The following ZC3H12B variants were observed in gnomAD, a reference collection of about 807,000 sequenced individuals.
ZC3H12B encodes zinc finger CCCH-type containing 12B.
Under a neutral mutation model 43.9 loss-of-function variants are expected in ZC3H12B, and 7 were observed. The observed-to-expected ratio is 0.16, with a 90% confidence interval of 0.09 to 0.30. The LOEUF (loss-of-function observed/expected upper bound fraction) is 0.30. ZC3H12B is among the 10% of genes least tolerant of loss of function. The probability of loss-of-function intolerance (pLI) is 1.00; values close to 1 mark genes in which losing one functional copy is unlikely to be tolerated. For synonymous variants in ZC3H12B, 222 were observed against 241.7 expected (o/e 0.92, Z 0.76); for missense variants, 475 against 670.2 (o/e 0.71, Z 3.22).
chrX:65,074,682 T>A, the ZC3H12B span, among the ~76,000 whole-genome samples: 1 of 112,172 alleles, frequency 8.9e-6, no homozygotes, highest in Non-Finnish European at 1.9e-5. Context: ...TTTCTCTGAC[T>A]AATAATTTCA....
At chrX:65,295,081 T>C in the ZC3H12B span, among the ~76,000 whole-genome samples, 3 of 111,443 alleles carry the variant, frequency 2.7e-5, no homozygotes, top group African/African-American at 9.8e-5. Context: ...TGAAAATTTA[T>C]CCAAGATAGA....
At chrX:65,234,428 C>A in the ZC3H12B span, among the ~76,000 whole-genome samples, 1 of 111,656 alleles carries the variant, frequency 9.0e-6, no homozygotes, top group African/African-American at 3.3e-5. Flanking sequence ...AAACTGAAAG[C>A]CTTTTCTTTA....
At chrX:65,130,261 C>G in the ZC3H12B span, among the ~76,000 whole-genome samples, 1 of 111,043 alleles carries the variant, frequency 9.0e-6, no homozygotes, top group South Asian at 3.8e-4. Context: ...GCCTGAGAAA[C>G]TGCTTGGGTG....
intron 3 of ZC3H12B, chrX:65,408,067 G>A (rs2066857730): frequency 5.9e-6 from 7 of 1,180,796 alleles, no homozygotes; most frequent in Non-Finnish European, 8.0e-6. Flanking sequence ...ACAGAGCCCC[G>A]GCCGCCGCCA....
At chrX:65,417,792 G>A (rs988072871) in intron 3 of ZC3H12B, among the ~76,000 whole-genome samples, 3 of 112,703 alleles carry the variant, frequency 2.7e-5, no homozygotes, top group Non-Finnish European at 5.6e-5. Flanking sequence ...ATTCTTTCAG[G>A]AGAGAATGGG....
intron 2 of ZC3H12B, 38 bp downstream of exon 4, chrX:65,369,036 T>G (rs1177561071): frequency 8.9e-6 from 1 of 111,988 alleles, no homozygotes; most frequent in African/African-American, 3.2e-5. Flanking sequence ...GTTGTGTGTG[T>G]GTGTTTGAAA....
chrX:65,242,985 G>A, the ZC3H12B span, among the ~76,000 whole-genome samples: 1 of 111,865 alleles, frequency 8.9e-6, no homozygotes, highest in African/African-American at 3.2e-5. Flanking sequence ...AATCACAATG[G>A]ATAAAAGACT....
At chrX:65,183,362 A>C in the ZC3H12B span, among the ~76,000 whole-genome samples, 1 of 111,504 alleles carries the variant, frequency 9.0e-6, no homozygotes, top group African/African-American at 3.3e-5. Flanking sequence ...AAAACTAAAC[A>C]TTTAGTACAT....
the ZC3H12B span, among the ~76,000 whole-genome samples, chrX:65,205,068 A>ATG: frequency 8.9e-6 from 1 of 112,268 alleles, no homozygotes; most frequent in Non-Finnish European, 1.9e-5. Context: ...ATGTAAATAT[A>ATG]TGTATTGTAG....
chrX:65,189,924 G>T, the ZC3H12B span, among the ~76,000 whole-genome samples: 3 of 108,123 alleles, frequency 2.8e-5, no homozygotes, highest in African/African-American at 7.1e-5. Flanking sequence ...GGTTTTTATG[G>T]TTTTAGGTCT....
intron 2 of ZC3H12B, among the ~76,000 whole-genome samples, chrX:65,389,293 G>T (rs1043449357): frequency 2.7e-5 from 3 of 112,145 alleles, no homozygotes; most frequent in Admixed American, 1.9e-4. Flanking sequence ...CCCAGTTCGC[G>T]CTTCCCAGCT....
the ZC3H12B span, among the ~76,000 whole-genome samples, chrX:65,231,873 G>A: frequency 5.4e-5 from 6 of 111,279 alleles, no homozygotes; most frequent in East Asian, 2.8e-4. Flanking sequence ...TACAGTTAAC[G>A]CAATCATCAC....
the ZC3H12B span, among the ~76,000 whole-genome samples, chrX:65,119,311 G>C: frequency 1.8e-5 from 2 of 111,312 alleles, no homozygotes; most frequent in African/African-American, 6.5e-5. Flanking sequence ...TCCAGCACCT[G>C]TTGTTTCCTG....
At chrX:65,045,981 G>GGGAGCA in the ZC3H12B span, among the ~76,000 whole-genome samples, 1 of 111,346 alleles carries the variant, frequency 9.0e-6, no homozygotes, top group African/African-American at 3.3e-5. Flanking sequence ...ATATTTTCTT[G>GGGAGCA]GGAGCAGTAG....
intron 2 of ZC3H12B, among the ~76,000 whole-genome samples, chrX:65,376,360 G>A (rs893112108): frequency 8.9e-6 from 1 of 111,948 alleles, no homozygotes. Flanking sequence ...TGCCCTGAAG[G>A]GAGAGATGCA....
the ZC3H12B span, among the ~76,000 whole-genome samples, chrX:65,237,154 T>G: frequency 4.5e-5 from 5 of 112,177 alleles, no homozygotes; most frequent in Non-Finnish European, 9.4e-5. Context: ...GCCATTTTCA[T>G]AATATCAATT....
At chrX:65,189,871 C>T in the ZC3H12B span, among the ~76,000 whole-genome samples, 1 of 109,163 alleles carries the variant, frequency 9.2e-6, no homozygotes, top group Non-Finnish European at 1.9e-5. Flanking sequence ...AAGTCCTTGC[C>T]CATGCCTATG....
chrX:65,345,564 GAGA>G, the ZC3H12B span, among the ~76,000 whole-genome samples: 1 of 111,301 alleles, frequency 9.0e-6, no homozygotes, highest in African/African-American at 3.3e-5. Flanking sequence ...TGGGAGGAGG[GAGA>G]AGATCAGGAA....
At chrX:65,450,312 A>T (rs188711886) in intron 3 of ZC3H12B, among the ~76,000 whole-genome samples, 1,101 of 86,769 alleles carry the variant, frequency 0.013, 5 homozygotes, top group East Asian at 0.031. Flanking sequence ...TCAAAAAAAA[A>T]ATATATATAT....
Sources: allele counts gnomAD v4.1 joint callset (sites outside exome capture counted in the v4.1 genomes callset), GRCh38; gene constraint gnomAD v4.1.1; transcripts MANE v1.5; gene names NCBI Gene and HGNC (gene_info 2026-07-23, HGNC 2026-07-21).